JMJD1C: variants seen among roughly 807,000 people sequenced by gnomAD.
JMJD1C encodes jumonji domain containing 1C.
Under a neutral mutation model 245.3 loss-of-function variants are expected in JMJD1C, and 31 were observed. That is an observed-to-expected ratio of 0.13 (90% CI 0.09 to 0.17). JMJD1C has a LOEUF of 0.17. JMJD1C is among the 10% of genes least tolerant of loss of function. The probability of loss-of-function intolerance (pLI) is 1.00; values close to 1 mark genes in which losing one functional copy is unlikely to be tolerated. For synonymous variants in JMJD1C, 1,057 were observed against 1,017.4 expected (o/e 1.04, Z -0.74); for missense variants, 2,691 against 3,000.2 (o/e 0.90, Z 2.41).
At chr10:63,338,157 C>CA (rs1299669145) in intron 2 of JMJD1C, among the ~76,000 whole-genome samples, 5 of 152,136 alleles carry the variant, frequency 3.3e-5, no homozygotes, top group Non-Finnish European at 5.9e-5. Context: ...TTTTAAGAGA[C>CA]AGAGTCTCAC....
chr10:63,234,779 T>C (rs529311456), intron 3 of JMJD1C, among the ~76,000 whole-genome samples: 1 of 149,346 alleles, frequency 6.7e-6, no homozygotes, highest in South Asian at 2.1e-4. Context: ...TTTAAAATAA[T>C]AATAATAAAA....
intron 4 of JMJD1C, 24 bp from the exon 5 acceptor site, chr10:63,217,355 A>T (rs1198101412): frequency 9.1e-6 from 14 of 1,533,690 alleles, no homozygotes; most frequent in Non-Finnish European, 1.2e-5. Flanking sequence ...CAAGAAACAG[A>T]AACATCTTAA....
chr10:63,379,589 TAACA>T (rs1162178204), intron 2 of JMJD1C, among the ~76,000 whole-genome samples: 1 of 152,218 alleles, frequency 6.6e-6, no homozygotes, highest in Non-Finnish European at 1.5e-5. Flanking sequence ...ATTTACTGAT[TAACA>T]AACCAAGAAG....
intron 2 of JMJD1C, 121 bp downstream of exon 2, chr10:63,380,197 G>T: frequency 2.1e-6 from 2 of 957,506 alleles, no homozygotes; most frequent in South Asian, 1.3e-5. Context: ...TCCTGCTTCA[G>T]CCTCTCAAAG....
intron 1 of JMJD1C, among the ~76,000 whole-genome samples, chr10:63,439,777 T>C (rs535454623): frequency 1.3e-5 from 2 of 152,346 alleles, no homozygotes; most frequent in East Asian, 1.9e-4. Flanking sequence ...AAGTCACTTA[T>C]ATGTCATGAA....
intron 1 of JMJD1C, among the ~76,000 whole-genome samples, chr10:63,513,401 G>C (rs191815100): frequency 6.6e-6 from 1 of 152,198 alleles, no homozygotes; most frequent in East Asian, 1.9e-4. Context: ...GGCACCTTGG[G>C]AAAGACTCTA....
At chr10:63,328,699 C>T (rs1306809815) in intron 2 of JMJD1C, among the ~76,000 whole-genome samples, 1 of 152,198 alleles carries the variant, frequency 6.6e-6, no homozygotes, top group Non-Finnish European at 1.5e-5. Context: ...CATGTTTTTA[C>T]ATCTTTGTAT....
chr10:63,181,340 G>A (rs1321872681), intron 22 of JMJD1C, among the ~76,000 whole-genome samples: 1 of 152,094 alleles, frequency 6.6e-6, no homozygotes, highest in African/African-American at 2.4e-5. Context: ...AGGCGGGGGA[G>A]GCATCATAAT....
At chr10:63,448,662 T>TA (rs1951851649) in intron 1 of JMJD1C, among the ~76,000 whole-genome samples, 1 of 152,170 alleles carries the variant, frequency 6.6e-6, no homozygotes, top group Admixed American at 6.5e-5. Context: ...TCTAGAGAAA[T>TA]AGAAATAAAG....
intron 1 of JMJD1C, among the ~76,000 whole-genome samples, chr10:63,420,517 C>A (rs1950059272): frequency 6.6e-6 from 1 of 151,122 alleles, no homozygotes; most frequent in African/African-American, 2.4e-5. Flanking sequence ...CCAGCCTGGA[C>A]AACATGGCAA....
At chr10:63,408,382 C>T (rs1325944419) in intron 1 of JMJD1C, among the ~76,000 whole-genome samples, 1 of 151,084 alleles carries the variant, frequency 6.6e-6, no homozygotes, top group African/African-American at 2.4e-5. Flanking sequence ...CAGCCTGGGC[C>T]ACAGGAGCAA....
chr10:63,248,469 T>A (rs978348484), intron 3 of JMJD1C, among the ~76,000 whole-genome samples: 1 of 151,558 alleles, frequency 6.6e-6, no homozygotes, highest in African/African-American at 2.4e-5. Flanking sequence ...TGCAGTGAGC[T>A]CAGATTGTGC....
intron 3 of JMJD1C, among the ~76,000 whole-genome samples, chr10:63,248,516 ATCTC>A (rs1852566246): frequency 6.9e-6 from 1 of 144,664 alleles, no homozygotes; most frequent in Non-Finnish European, 1.5e-5. Flanking sequence ...ATGAGACCTC[ATCTC>A]AATAGATAGA....
Position 63,462,413 on chromosome 10 carries a change from T to G in JMJD1C, c.168+3082A>C, listed in dbSNP as rs12255712. Among the ~76,000 whole-genome samples the G allele has an allele frequency of 3.9e-3, 600 of 152,362 alleles. 6 individuals carry two copies. The highest frequency in any genetic ancestry group is 0.014 in the African/African-American group (576 of 41,582). ...GTTCATATTGTACAAGAAATATGTT[T>G]GCTACCACGGTGTGGTAAAAAATAA... is the stretch of plus-strand genomic sequence containing the variant. On this transcript the variant is annotated intron_variant, in intron 1 of 25. Coordinates refer to ENST00000399262, the MANE Select transcript of JMJD1C (RefSeq NM_032776.3).
chr10:63,419,590 TA>T (rs1950001435), intron 1 of JMJD1C, among the ~76,000 whole-genome samples: 1 of 151,872 alleles, frequency 6.6e-6, no homozygotes, highest in African/African-American at 2.4e-5. Context: ...AGAATAGATC[TA>T]AAAAAGTCCA....
In JMJD1C at chr10:63,222,867, T is replaced by TA; in HGVS notation, c.448-2885dup. The TA allele has an allele frequency of 3.4e-6, 5 of 1,459,692 alleles. No individual in the cohort carries two copies. In the East Asian group the frequency reaches 1.1e-4, roughly 33 times the overall value. 90.4% of individuals were successfully genotyped at this position (1,459,692 alleles called of 1,614,324 possible). A position where few individuals can be genotyped will look rare whatever the true frequency, so the allele number is the denominator to read the frequency against. Reference sequence around the variant, plus strand: ...AGTACACATGCTGGATCAAAATATATAAAAACTGCATTTCCTACCAAAAAG... The same window carrying TA: ...AGTACACATGCTGGATCAAAATATATAAAAAACTGCATTTCCTACCAAAAAG... On this transcript the variant is annotated intron_variant, in intron 3 of 25. Coordinates refer to ENST00000399262, the MANE Select transcript of JMJD1C (RefSeq NM_032776.3).
Position 63,207,760 on chromosome 10 carries a change from T to C in JMJD1C, c.3909A>G (p.Ala1303=), listed in dbSNP as rs2133153790. The C allele has an allele frequency of 2.5e-6, 4 of 1,614,196 alleles. No individual in the cohort carries two copies. Among genetic ancestry groups the C allele is most frequent in the Non-Finnish European group, 3.4e-6 (4 of 1,180,014 alleles). Residue 1303 remains alanine (A), a synonymous_variant, in exon 10 of 26, where the codon GCA becomes GCG. Transcript: ENST00000399262. ...KSSGKLQAAM[A]SVIVRPSSST... ...TAGAAGATGGACGCACAATGACAGA[T>C]GCCATAGCAGCCTGTAACTTTCCGC...
intron 1 of JMJD1C, among the ~76,000 whole-genome samples, chr10:63,498,041 C>G (rs563956003): frequency 1.3e-5 from 2 of 152,098 alleles, no homozygotes; most frequent in Admixed American, 1.3e-4. Flanking sequence ...GAAGAAGATA[C>G]CTATCAAAGA....
intron 2 of JMJD1C, among the ~76,000 whole-genome samples, chr10:63,357,826 G>GACAC (rs35073293): frequency 0.019 from 2,673 of 140,476 alleles, 69 homozygotes; most frequent in East Asian, 0.11. Context: ...CAGACAGACA[G>GACAC]ACACACACAC....
Sources: gnomAD v4.1 joint callset for allele counts (sites outside exome capture counted in the v4.1 genomes callset) on GRCh38, gnomAD v4.1.1 for gene constraint, MANE v1.5 for transcripts, NCBI Gene and HGNC (gene_info 2026-07-23, HGNC 2026-07-21) for gene names.